Variants in PSMC3IP observed in about 807,000 individuals in gnomAD.
PSMC3IP encodes the protein PSMC3 interacting protein, also known as homologous-pairing protein 2 homolog.
A neutral mutation model predicts 34.9 loss-of-function variants in PSMC3IP; 26 were observed. The ratio of observed to expected loss-of-function variants is 0.74; its 90% CI spans 0.55 to 1.03. The LOEUF is 1.03. Ranked by LOEUF, PSMC3IP falls within the 50% of genes least tolerant of loss-of-function variation. The pLI, the probability that PSMC3IP is intolerant of heterozygous loss-of-function variation, is 0.00. For synonymous variants in PSMC3IP, 87 were observed against 96.5 expected (o/e 0.90, Z 0.57); for missense variants, 250 against 263.1 (o/e 0.95, Z 0.34).
chr17:42,577,481 C>G lies in PSMC3IP; in HGVS notation c.115G>C (p.Glu39Gln), dbSNP rs538091060. The change falls in exon 2 of 8, where the codon GAA (glutamate) becomes CAA (glutamine). Residue 39 changes from glutamate (E) to glutamine (Q), a missense_variant. Transcript: ENST00000393795. ...SQDVFGNLQR[E>Q]HGLGKAVVVK... is the part of the protein sequence containing the mutation. ...CTCACCGCCTTGCCCAGTCCGTGTT[C>G]CCGCTGTAGGTTCCCGAACACATCC... 39 of 1,614,164 alleles carry G rather than the reference C, an allele frequency of 2.4e-5. No homozygotes were observed. In the South Asian group the frequency reaches 4.2e-4, roughly 17 times the overall value.
chr17:42,572,854 A>C lies in PSMC3IP; in HGVS notation c.*114T>G. 7.9e-7 allele frequency: 1 copy of C among 1,265,258 alleles called. No individual in the cohort carries two copies. The highest frequency in any genetic ancestry group is 1.1e-6 in the Non-Finnish European group (1 of 870,874). The allele number at this position is 1,265,258 out of a possible 1,614,324, so 78.4% of individuals were successfully genotyped here. On this transcript the variant is annotated 3_prime_UTR_variant, in exon 8 of 8. Coordinates refer to ENST00000393795, the MANE Select transcript of PSMC3IP (RefSeq NM_016556.4). ...GCTTGTCTCCTGACTGCTCTGCTTA[A>C]AGGTGAAAGTAGCAGGAACAACAAC...
chr17:42,574,672 T>A (rs2093061816), intron 3 of PSMC3IP, among the ~76,000 whole-genome samples: 1 of 141,786 alleles, frequency 7.1e-6, no homozygotes, highest in Admixed American at 7.2e-5. Context: ...TCCACCTTCC[T>A]CTCTCCCTCC....
intron 3 of PSMC3IP, among the ~76,000 whole-genome samples, chr17:42,576,284 C>T (rs1175541192): frequency 6.6e-6 from 1 of 152,140 alleles, no homozygotes; most frequent in African/African-American, 2.4e-5. Context: ...GGGGCGTCTT[C>T]CGGTGCCTTT....
At chr17:42,577,414 A>C in intron 2 of PSMC3IP, 47 bp downstream of exon 2, 1 of 1,611,090 alleles carries the variant, frequency 6.2e-7, no homozygotes, top group Non-Finnish European at 8.5e-7. Context: ...CCCCAGCCTG[A>C]ATCCAGGGAG....
upstream of PSMC3IP, chr17:42,577,813 G>A (rs2093086901): frequency 8.6e-7 from 1 of 1,162,460 alleles, no homozygotes; most frequent in Non-Finnish European, 1.3e-6. Flanking sequence ...GAGGAGCAAA[G>A]CGACCCCTCC....
chr17:42,573,501 CAT>C lies in PSMC3IP; in HGVS notation c.458_459del (p.His153ArgfsTer18), dbSNP rs1389696546. On this transcript the variant is annotated frameshift_variant, in exon 5 of 8. Transcript: ENST00000393795. LOFTEE classifies it high-confidence loss of function. ...ACCTGCTCTTTCTCTTCTGGAGTCA[CAT>C]GATTGGTAGCTGCTTTAATGTTCTT... ...RLKNIKAATNHVTPEEKEQVY... is the reference protein window; with the variant it reads ...RLKNIKAATNXVTPEEKEQVY... 3.7e-6 allele frequency: 6 copies of C among 1,614,150 alleles called. No homozygotes were observed. In the African/African-American group the frequency reaches 5.3e-5, roughly 14 times the overall value.
At chr17:42,575,576 C>G (rs567593740) in intron 3 of PSMC3IP, among the ~76,000 whole-genome samples, 1 of 152,206 alleles carries the variant, frequency 6.6e-6, no homozygotes, top group South Asian at 2.1e-4. Context: ...TTCAGTTTAA[C>G]GAGTAATATC....
In PSMC3IP at chr17:42,573,378, G is replaced by A. The variant is rs1294849080; in HGVS notation, c.484-14C>T. 1.2e-6 allele frequency: 2 copies of A among 1,614,154 alleles called. No homozygotes were observed. Among genetic ancestry groups the A allele is most frequent in the South Asian group, 1.1e-5 (1 of 91,078 alleles). ...CTCTCTGTACACCTAGAAGGAAAAA[G>A]CAAGTTCCTCTAACTCCTCAGAACC... On this transcript the variant is annotated splice_polypyrimidine_tract_variant and intron_variant, in intron 5 of 7. Coordinates refer to ENST00000393795, the MANE Select transcript of PSMC3IP (RefSeq NM_016556.4).
At position 42,574,146 on chromosome 17, in the gene PSMC3IP, G is replaced by A; in HGVS notation, c.290C>T (p.Thr97Ile). The A allele has an allele frequency of 6.2e-7, 1 of 1,614,220 alleles. No homozygotes were observed. Among genetic ancestry groups the A allele is most frequent in the East Asian group, 2.2e-5 (1 of 44,882 alleles). ...CTGCTGCAAGCTCTGCACCTTAGCA[G>A]TGAGGGCCACGATTTTGCCATCTAG... ...QVLDGKIVAL[T>I]AKVQSLQQSC... Residue 97 changes from threonine (T) to isoleucine (I), a missense_variant, in exon 4 of 8, where the codon ACT becomes ATT. Coordinates refer to ENST00000393795, the MANE Select transcript of PSMC3IP (RefSeq NM_016556.4).
intron 2 of PSMC3IP, 72 bp downstream of exon 2, chr17:42,577,389 C>T (rs2093082676): frequency 6.2e-7 from 1 of 1,608,612 alleles, no homozygotes; most frequent in Non-Finnish European, 8.5e-7. Context: ...ACGCCCAAGG[C>T]TCCAAAGGGC....
chr17:42,577,566 GGAGA>G lies in PSMC3IP; in HGVS notation c.35-9_35-6del. On this transcript the variant is annotated splice_region_variant and splice_polypyrimidine_tract_variant and intron_variant, in intron 1 of 7. Transcript: ENST00000393795. ...ACCTCAGGAGGATCCCGGCGGCTACGGAGAGAAAGGCAGGGGAGGGGGCCACTCA... is the reference window on the plus strand; with the variant it reads ...ACCTCAGGAGGATCCCGGCGGCTACGGAAAGGCAGGGGAGGGGGCCACTCA... 1 of 1,614,146 alleles carries G rather than the reference GGAGA, an allele frequency of 6.2e-7. No individual in the cohort carries two copies. Among genetic ancestry groups the G allele is most frequent in the East Asian group, 2.2e-5 (1 of 44,868 alleles).
At chr17:42,577,760 GGGC>G (rs2093086447), upstream of PSMC3IP, 1 of 1,584,176 alleles carries the variant, frequency 6.3e-7, no homozygotes, top group Non-Finnish European at 8.7e-7. Context: ...CCGGCGACGG[GGGC>G]GGGCCTCGAA....
rs2093056641 is a variant in PSMC3IP at position 42,574,085 on chromosome 17, C to A, written c.337+14G>T. 6.2e-7 allele frequency: 1 copy of A among 1,614,008 alleles called. No individual in the cohort carries two copies. The highest frequency in any genetic ancestry group is 1.3e-5 in the African/African-American group (1 of 75,066). Reference sequence around the variant, plus strand: ...TAAGCCTATGGGCACTTTGGAGGGGCTACCCAGTCCTACCAGCCTCCATGT... The same window carrying A: ...TAAGCCTATGGGCACTTTGGAGGGGATACCCAGTCCTACCAGCCTCCATGT... On this transcript the variant is annotated intron_variant, in intron 4 of 7. Coordinates refer to ENST00000393795, the MANE Select transcript of PSMC3IP (RefSeq NM_016556.4).
chr17:42,577,314 G>C lies in PSMC3IP; in HGVS notation c.136-12C>G. The C allele has an allele frequency of 1.2e-6, 2 of 1,613,620 alleles. No homozygotes were observed. The highest frequency in any genetic ancestry group is 8.5e-7 in the Non-Finnish European group (1 of 1,179,664). On this transcript the variant is annotated splice_polypyrimidine_tract_variant and intron_variant, in intron 2 of 7. Transcript: ENST00000393795. ...GTCTTCACCACCACCTGGCAGAGGA[G>C]AGAGAAGGAGCAATCAGAGGAGTCT... is the stretch of plus-strand genomic sequence containing the variant.
chr17:42,577,826 G>A (rs1311433652), upstream of PSMC3IP: 8 of 1,029,866 alleles, frequency 7.8e-6, no homozygotes, highest in Admixed American at 2.0e-5. Flanking sequence ...ACCCCTCCCG[G>A]ACTCCATAGT....
intron 2 of PSMC3IP, 52 bp from the exon 3 acceptor site, chr17:42,577,354 G>A (rs1181650135): frequency 6.2e-7 from 1 of 1,610,278 alleles, no homozygotes; most frequent in South Asian, 1.1e-5. Flanking sequence ...CTGGGTCTGG[G>A]GAAATCCAGC....
Position 42,572,971 on chromosome 17 carries a change from G to A in PSMC3IP, c.651C>T (p.Pro217=), listed in dbSNP as rs751988692. The change falls in exon 8 of 8, where the codon CCC becomes CCT. Residue 217 remains proline, a synonymous_variant. Transcript: ENST00000393795. ...DEDYNVTLPD[P] is the part of the protein sequence containing the mutation. ...ACCAGTCCTGACCGTGGGCCCCTCA[G>A]GGGTCTGGGAGTGTGACGTTGTAAT... 6.2e-7 allele frequency: 1 copy of A among 1,614,120 alleles called. No homozygotes were observed. The highest frequency in any genetic ancestry group is 1.1e-5 in the South Asian group (1 of 91,072).
chr17:42,577,741 C>A (rs938781049), upstream of PSMC3IP: 2 of 1,605,028 alleles, frequency 1.2e-6, no homozygotes, highest in Non-Finnish European at 1.7e-6. Flanking sequence ...CTCGGGGCGA[C>A]GGCTCCTTCC....
chr17:42,575,243 C>T (rs1251385255), intron 3 of PSMC3IP, among the ~76,000 whole-genome samples: 3 of 152,180 alleles, frequency 2.0e-5, no homozygotes, highest in Non-Finnish European at 4.4e-5. Flanking sequence ...GCAAGGTGAA[C>T]CTATAGGGCA....
Sources: gnomAD v4.1 joint callset for allele counts (sites outside exome capture counted in the v4.1 genomes callset) on GRCh38, gnomAD v4.1.1 for gene constraint, MANE v1.5 for transcripts, NCBI Gene and HGNC (gene_info 2026-07-23, HGNC 2026-07-21) for gene names.